Variants in WWC2 observed in about 807,000 individuals in gnomAD.
The protein encoded by WWC2 is protein WWC2.
Under a neutral mutation model 138.5 loss-of-function variants are expected in WWC2, and 101 were observed. The ratio of observed to expected loss-of-function variants is 0.73; its 90% confidence interval spans 0.62 to 0.86. WWC2 has a LOEUF of 0.86. Ranked by LOEUF, WWC2 falls within the 40% of genes least tolerant of loss-of-function variation. The probability of loss-of-function intolerance (pLI) is 0.00; values close to 1 mark genes in which losing one functional copy is unlikely to be tolerated. For synonymous variants in WWC2, 558 were observed against 538.4 expected, an observed-to-expected ratio of 1.04 and a Z score of -0.50; for missense variants, 1,420 against 1,419.4, an observed-to-expected ratio of 1.00 and a Z score of -0.01.
intron 1 of WWC2, among the ~76,000 whole-genome samples, chr4:183,183,357 A>T (rs111267146): frequency 4.3e-5 from 1 of 23,478 alleles, no homozygotes; most frequent in Non-Finnish European, 9.3e-5. Context: ...CCTGGAATCA[A>T]CATTTTAATG....
chr4:183,132,778 C>G (rs1732968498), intron 1 of WWC2, among the ~76,000 whole-genome samples: 1 of 151,662 alleles, frequency 6.6e-6, no homozygotes, highest in Admixed American at 6.6e-5. Context: ...TTGAGGTAAT[C>G]AAATGATTTT....
At chr4:183,305,443 A>C (rs2084782459) in intron 21 of WWC2, among the ~76,000 whole-genome samples, 1 of 152,156 alleles carries the variant, frequency 6.6e-6, no homozygotes, top group Non-Finnish European at 1.5e-5. Context: ...ACACACACAC[A>C]CAGAACATTA....
intron 2 of WWC2, among the ~76,000 whole-genome samples, chr4:183,194,068 A>C (rs1443009147): frequency 6.6e-6 from 1 of 152,108 alleles, no homozygotes; most frequent in Non-Finnish European, 1.5e-5. Flanking sequence ...TGTGTTTGCC[A>C]CAGAAAGACT....
At chr4:183,258,114 A>G (rs1258119349) in intron 9 of WWC2, among the ~76,000 whole-genome samples, 1 of 152,182 alleles carries the variant, frequency 6.6e-6, no homozygotes, top group Non-Finnish European at 1.5e-5. Context: ...ATTTTAATAA[A>G]AGCAATATTG....
At chr4:183,193,498 A>G in intron 1 of WWC2, 101 bp from the exon 2 acceptor site, 1 of 976,766 alleles carries the variant, frequency 1.0e-6, no homozygotes, top group Non-Finnish European at 1.5e-6. Flanking sequence ...TTTCTTTAAG[A>G]TTTTAAATGC....
chr4:183,269,248 C>T, intron 15 of WWC2, 85 bp downstream of exon 15: 1 of 1,368,210 alleles, frequency 7.3e-7, no homozygotes, highest in Non-Finnish European at 1.0e-6. Flanking sequence ...ATTTTGCCAG[C>T]CCTAGAAATC....
At chr4:183,225,905 A>G (rs1736057090) in intron 4 of WWC2, among the ~76,000 whole-genome samples, 1 of 152,154 alleles carries the variant, frequency 6.6e-6, no homozygotes, top group Non-Finnish European at 1.5e-5. Flanking sequence ...CCCACCAAAT[A>G]TTGAATGCAG....
chr4:183,130,166 C>T (rs1732878671), intron 1 of WWC2, among the ~76,000 whole-genome samples: 1 of 151,766 alleles, frequency 6.6e-6, no homozygotes. Flanking sequence ...CATTCTCCTG[C>T]CTCAGCCTTC....
At chr4:183,105,425 C>T (rs1048965149) in intron 1 of WWC2, among the ~76,000 whole-genome samples, 2 of 152,186 alleles carry the variant, frequency 1.3e-5, no homozygotes, top group African/African-American at 4.8e-5. Context: ...ATGAGATTAT[C>T]ACTTTAGAGG....
chr4:183,111,704 T>C (rs931621174), intron 1 of WWC2, among the ~76,000 whole-genome samples: 1 of 151,970 alleles, frequency 6.6e-6, no homozygotes, highest in African/African-American at 2.4e-5. Context: ...TTTTGTTTTT[T>C]TTTTTTTGAT....
At chr4:183,155,050 G>C (rs1426845536) in intron 1 of WWC2, among the ~76,000 whole-genome samples, 2 of 152,212 alleles carry the variant, frequency 1.3e-5, no homozygotes, top group African/African-American at 4.8e-5. Flanking sequence ...AAAACAATGA[G>C]AGGAAGGAGG....
chr4:183,163,270 C>G (rs141121519), intron 1 of WWC2, among the ~76,000 whole-genome samples: 1 of 152,304 alleles, frequency 6.6e-6, no homozygotes, highest in East Asian at 1.9e-4. Context: ...CTCACTCTTT[C>G]TGGTCCACAC....
At chr4:183,165,234 C>CACA (rs1269333233) in intron 1 of WWC2, among the ~76,000 whole-genome samples, 1 of 152,076 alleles carries the variant, frequency 6.6e-6, no homozygotes, top group Non-Finnish European at 1.5e-5. Flanking sequence ...GTGTCAGGGA[C>CACA]ACATTCATGT....
chr4:183,292,358 AAGTT>A (rs1450049770), intron 21 of WWC2, among the ~76,000 whole-genome samples: 3 of 151,960 alleles, frequency 2.0e-5, no homozygotes, highest in Admixed American at 2.0e-4. Flanking sequence ...AAAAAAAAAA[AAGTT>A]AGCTGAGCGT....
intron 16 of WWC2, among the ~76,000 whole-genome samples, chr4:183,278,979 C>T (rs1481465760): frequency 1.3e-5 from 2 of 151,664 alleles, no homozygotes; most frequent in Non-Finnish European, 2.9e-5. Flanking sequence ...TTTCCTTCTC[C>T]TGCCTAATTG....
chr4:183,220,722 T>C (rs548388252), intron 4 of WWC2, among the ~76,000 whole-genome samples: 1 of 151,668 alleles, frequency 6.6e-6, no homozygotes, highest in South Asian at 2.1e-4. Context: ...TAGTCCCAGC[T>C]ACTCGGGAGG....
At chr4:183,100,798 C>G (rs1017579795) in intron 1 of WWC2, among the ~76,000 whole-genome samples, 21 of 152,196 alleles carry the variant, frequency 1.4e-4, no homozygotes, top group African/African-American at 4.6e-4. Context: ...AATCCTTGTT[C>G]AATTATCCGT....
At chr4:183,257,799 G>T (rs912909598) in intron 9 of WWC2, among the ~76,000 whole-genome samples, 5 of 152,124 alleles carry the variant, frequency 3.3e-5, no homozygotes, top group South Asian at 2.1e-4. Context: ...CCCAGGGAAG[G>T]TTTCATCTCA....
rs1213310216 is a variant in WWC2 at position 183,318,663 on chromosome 4, A to G, written c.*2934A>G. The G allele has an allele frequency of 1.3e-5, 2 of 152,200 alleles. No homozygotes were observed. The highest frequency in any genetic ancestry group is 2.4e-5 in the African/African-American group (1 of 41,456). 9.4% of individuals were successfully genotyped at this position (152,200 alleles called of 1,614,324 possible). ...GAAATCCCCAGGCTGGCAGTTTGTG[A>G]TGAATAGTTCTTGTTGGAACTATAT... On this transcript the variant is annotated 3_prime_UTR_variant, in exon 23 of 23. Transcript: ENST00000403733.
Sources: gnomAD v4.1 joint callset for allele counts (sites outside exome capture counted in the v4.1 genomes callset) on GRCh38, gnomAD v4.1.1 for gene constraint, MANE v1.5 for transcripts, NCBI Gene and HGNC (gene_info 2026-07-23, HGNC 2026-07-21) for gene names.